Variants in LINC00237 observed in about 807,000 individuals in gnomAD.
LINC00237 encodes long intergenic non-protein coding RNA 237.
At chr20:21,086,634 AC>A (rs2030701853) in intron 3 of LINC00237, among the ~76,000 whole-genome samples, 3 of 130,666 alleles carry the variant, frequency 2.3e-5, no homozygotes, top group Non-Finnish European at 3.2e-5. Context: ...TATATAGTAT[AC>A]TATATATAGT....
chr20:21,094,072 T>G (rs1271320401), intron 1 of LINC00237, among the ~76,000 whole-genome samples: 1 of 152,214 alleles, frequency 6.6e-6, no homozygotes. Flanking sequence ...TACATTCCAG[T>G]GAGAACAAAT....
chr20:21,096,138 T>TG (rs1436268603), intron 1 of LINC00237, among the ~76,000 whole-genome samples: 1 of 152,226 alleles, frequency 6.6e-6, no homozygotes, highest in African/African-American at 2.4e-5. Flanking sequence ...TGCTTTCATT[T>TG]TGCAGTTAAG....
rs1046951734 is a variant in LINC00237, at chr20:21,097,152, C to A, written n.89-3300G>T. Among the ~76,000 whole-genome samples the A allele has an allele frequency of 1.1e-4, 17 of 152,210 alleles. 1 individual carries two copies. Among genetic ancestry groups the A allele is most frequent in the African/African-American group, 3.9e-4 (16 of 41,540 alleles). On this transcript the variant is annotated intron_variant and non_coding_transcript_variant, in intron 1 of 3. Coordinates refer to ENST00000691244, the Ensembl canonical transcript of LINC00237. ...CTTGCTTCTGTAGCTTCCAATTATCCACAGGCCGACAAAGCTGTTTCTTTT... is the reference window on the plus strand; with the variant it reads ...CTTGCTTCTGTAGCTTCCAATTATCAACAGGCCGACAAAGCTGTTTCTTTT...
At chr20:21,085,788 T>C (rs942211898) in exon 4 of LINC00237, among the ~76,000 whole-genome samples, 4 of 152,292 alleles carry the variant, frequency 2.6e-5, no homozygotes, top group East Asian at 1.9e-4. Context: ...ACTTATTGTA[T>C]GTGTACTTTG....
chr20:21,098,081 G>A (rs908183512), intron 1 of LINC00237, among the ~76,000 whole-genome samples: 15 of 152,186 alleles, frequency 9.9e-5, no homozygotes, highest in Non-Finnish European at 1.5e-4. Flanking sequence ...ATGAACTAGC[G>A]CCAAAGGGGA....
chr20:21,086,156 A>G (rs2030689776), intron 3 of LINC00237, among the ~76,000 whole-genome samples: 2 of 152,336 alleles, frequency 1.3e-5, no homozygotes, highest in African/African-American at 2.4e-5. Flanking sequence ...CCCTCCTCAG[A>G]CAGAGACCCA....
chr20:21,086,930 A>T (rs1236219643), intron 3 of LINC00237, among the ~76,000 whole-genome samples: 2 of 139,368 alleles, frequency 1.4e-5, no homozygotes, highest in African/African-American at 5.3e-5. Flanking sequence ...TACACTATAT[A>T]TGTACTATAT....
intron 1 of LINC00237, among the ~76,000 whole-genome samples, chr20:21,100,090 G>A (rs551199936): frequency 9.2e-5 from 14 of 152,252 alleles, no homozygotes; most frequent in African/African-American, 3.4e-4. Context: ...TCTTCTCTTC[G>A]CTTTTTTTTC....
intron 1 of LINC00237, among the ~76,000 whole-genome samples, chr20:21,102,158 T>C (rs2030941093): frequency 6.6e-6 from 1 of 152,226 alleles, no homozygotes; most frequent in African/African-American, 2.4e-5. Flanking sequence ...ACCTGGCGAA[T>C]CGCCGAGGAG....
At chr20:21,086,879 ATAGTATATATG>A (rs2030717181) in intron 3 of LINC00237, among the ~76,000 whole-genome samples, 1 of 134,164 alleles carries the variant, frequency 7.5e-6, no homozygotes, top group African/African-American at 2.8e-5. Flanking sequence ...TATACACTAT[ATAGTATATATG>A]TACTATATAT....
chr20:21,097,595 A>C (rs1021202522), intron 1 of LINC00237, among the ~76,000 whole-genome samples: 4 of 152,198 alleles, frequency 2.6e-5, no homozygotes, highest in Non-Finnish European at 5.9e-5. Context: ...AAAATTACCA[A>C]GGTTTATTTC....
At chr20:21,092,637 C>G (rs2030807399) in intron 2 of LINC00237, among the ~76,000 whole-genome samples, 1 of 152,104 alleles carries the variant, frequency 6.6e-6, no homozygotes, top group Non-Finnish European at 1.5e-5. Context: ...AGATTCTTTT[C>G]AATTAACAGA....
intron 1 of LINC00237, among the ~76,000 whole-genome samples, chr20:21,100,242 G>T (rs2030912115): frequency 6.6e-6 from 1 of 152,232 alleles, no homozygotes; most frequent in Admixed American, 6.5e-5. Flanking sequence ...GAGAGGGTGG[G>T]AGGGGTACAG....
chr20:21,102,949 CCTT>C (rs1462679778), intron 1 of LINC00237, among the ~76,000 whole-genome samples: 3 of 152,250 alleles, frequency 2.0e-5, no homozygotes, highest in East Asian at 1.9e-4. Context: ...GCTCGCTCCT[CCTT>C]CTGTCAGCAG....
chr20:21,088,353 C>T (rs1192157021), intron 2 of LINC00237, among the ~76,000 whole-genome samples: 2 of 152,182 alleles, frequency 1.3e-5, no homozygotes, highest in Non-Finnish European at 2.9e-5. Context: ...ATTACTGATA[C>T]AGTGATGGAG....
intron 1 of LINC00237, among the ~76,000 whole-genome samples, chr20:21,103,991 C>A (rs1256974678): frequency 1.3e-5 from 2 of 151,616 alleles, no homozygotes; most frequent in East Asian, 1.9e-4. Flanking sequence ...CCTTATCCCA[C>A]CCCCTCCCCA....
intron 3 of LINC00237, among the ~76,000 whole-genome samples, chr20:21,086,798 C>A (rs1568883550): frequency 8.2e-6 from 1 of 121,472 alleles, no homozygotes; most frequent in South Asian, 2.4e-4. Context: ...TATACATATA[C>A]TATATATATG....
At chr20:21,089,914 C>T (rs1018508700) in intron 2 of LINC00237, 34 of 152,300 alleles carry the variant, frequency 2.2e-4, no homozygotes, top group African/African-American at 7.7e-4. Flanking sequence ...AATATTTATG[C>T]CATTTCCACA....
chr20:21,090,561 A>G (rs2122169431), intron 2 of LINC00237: 1 of 152,266 alleles, frequency 6.6e-6, no homozygotes, highest in South Asian at 2.1e-4. Flanking sequence ...TAATGTGCGG[A>G]TGAAAAGGTG....
Sources: allele counts gnomAD v4.1 joint callset (sites outside exome capture counted in the v4.1 genomes callset), GRCh38; gene constraint gnomAD v4.1.1; transcripts MANE v1.5; gene names NCBI Gene and HGNC (gene_info 2026-07-23, HGNC 2026-07-21).